The following MMADHC variants were observed in gnomAD, a reference collection of about 807,000 sequenced individuals.
MMADHC encodes the protein cobalamin trafficking protein CblD.
Under a neutral mutation model 36.3 loss-of-function variants are expected in MMADHC, and 23 were observed. The ratio of observed to expected loss-of-function variants is 0.63; its 90% CI spans 0.46 to 0.90. The LOEUF (loss-of-function observed/expected upper bound fraction) is 0.90. MMADHC is among the 40% of genes least tolerant of loss of function. MMADHC has a pLI of 0.00. For missense variants in MMADHC, 330 were observed against 348.0 expected (o/e 0.95, Z 0.41); for synonymous variants, 97 against 116.1 (o/e 0.84, Z 1.06).
At chr2:149,575,621 T>C in intron 6 of MMADHC, 90 bp downstream of exon 6, 1 of 1,100,788 alleles carries the variant, frequency 9.1e-7, no homozygotes, top group East Asian at 2.4e-5. Context: ...GAATAAAGGG[T>C]GGAAATGACA....
rs1445668348 is a variant in MMADHC, at chr2:149,569,939, A to G, written c.*35T>C. The G allele has an allele frequency of 1.3e-6, 2 of 1,586,078 alleles. No homozygotes were observed. Among genetic ancestry groups the G allele is most frequent in the East Asian group, 2.2e-5 (1 of 44,598 alleles). ...GTTTATAGATCAACCCAAATATTACATACAAATAGTACAGCAAATGAATGG... is the reference window on the plus strand; with the variant it reads ...GTTTATAGATCAACCCAAATATTACGTACAAATAGTACAGCAAATGAATGG... On this transcript the variant is annotated 3_prime_UTR_variant, in exon 8 of 8. Transcript: ENST00000303319.
At position 149,570,188 on chromosome 2, in the gene MMADHC, A is replaced by G; in HGVS notation, c.697-20T>C. The G allele has an allele frequency of 6.3e-7, 1 of 1,584,028 alleles. No homozygotes were observed. The highest frequency in any genetic ancestry group is 1.1e-5 in the South Asian group (1 of 89,996). ...AAAAAACTGAGGAAATAAAAACGAAATATTCTCATTAGTAAGAAAGACATT... is the reference window on the plus strand; with the variant it reads ...AAAAAACTGAGGAAATAAAAACGAAGTATTCTCATTAGTAAGAAAGACATT... On this transcript the variant is annotated intron_variant, in intron 7 of 7. Transcript: ENST00000303319.
In MMADHC at chr2:149,569,725, T is replaced by C. The variant is rs1682610156; in HGVS notation, c.*249A>G. The C allele has an allele frequency of 2.7e-6, 1 of 365,482 alleles. No individual in the cohort carries two copies. The highest frequency in any genetic ancestry group is 5.0e-6 in the Non-Finnish European group (1 of 199,396). 22.6% of individuals were successfully genotyped at this position (365,482 alleles called of 1,614,324 possible). A position where few individuals can be genotyped will look rare whatever the true frequency, so the allele number is the denominator to read the frequency against. ...AAAGAGGAGAAATAACAATAGCAGA[T>C]CATACCCTGGTTACAAGCTAATTAC... On this transcript the variant is annotated 3_prime_UTR_variant, in exon 8 of 8. Transcript: ENST00000303319.
chr2:149,571,763 G>A (rs921874238), intron 6 of MMADHC, among the ~76,000 whole-genome samples: 1 of 144,972 alleles, frequency 6.9e-6, no homozygotes, highest in African/African-American at 2.5e-5. Flanking sequence ...CTGGGCGACA[G>A]AGCGAGACTC....
chr2:149,586,579 T>C (rs368838839), intron 2 of MMADHC, among the ~76,000 whole-genome samples: 1 of 152,220 alleles, frequency 6.6e-6, no homozygotes, highest in African/African-American at 2.4e-5. Flanking sequence ...TGTTTTTATA[T>C]ATGTCTTATG....
At chr2:149,585,042 CAAA>C (rs537964049) in intron 2 of MMADHC, among the ~76,000 whole-genome samples, 3 of 66,318 alleles carry the variant, frequency 4.5e-5, no homozygotes, top group African/African-American at 1.2e-4. Flanking sequence ...AACTCCGTCT[CAAA>C]AAAAAAAAAA....
At chr2:149,580,316 G>A (rs1682776837) in intron 3 of MMADHC, among the ~76,000 whole-genome samples, 1 of 152,154 alleles carries the variant, frequency 6.6e-6, no homozygotes, top group South Asian at 2.1e-4. Context: ...GGTCGTCTGG[G>A]GAGGGGCATT....
In MMADHC at chr2:149,576,420, T is replaced by C. The variant is rs763533116; in HGVS notation, c.478+17A>G. 1 of 1,530,802 alleles carries C rather than the reference T, an allele frequency of 6.5e-7. No homozygotes were observed. Among genetic ancestry groups the C allele is most frequent in the South Asian group, 1.1e-5 (1 of 89,382 alleles). 94.8% of individuals were successfully genotyped at this position (1,530,802 alleles called of 1,614,324 possible). On this transcript the variant is annotated intron_variant, in intron 5 of 7. Transcript: ENST00000303319. ...AAAAATTAGTAACAGTGTTTCAAAGTATAAAGCATGACATACCTTTTCGCA... is the reference window on the plus strand; with the variant it reads ...AAAAATTAGTAACAGTGTTTCAAAGCATAAAGCATGACATACCTTTTCGCA...
intron 4 of MMADHC, among the ~76,000 whole-genome samples, chr2:149,578,762 T>G (rs1339719693): frequency 1.3e-5 from 2 of 152,056 alleles, no homozygotes; most frequent in African/African-American, 4.8e-5. Flanking sequence ...GAATTGGTGC[T>G]GCTTATAATA....
At chr2:149,573,424 G>A (rs998289942) in intron 6 of MMADHC, among the ~76,000 whole-genome samples, 2 of 152,110 alleles carry the variant, frequency 1.3e-5, no homozygotes, top group African/African-American at 4.8e-5. Context: ...CCAGCCCTTT[G>A]CCGCCTATAA....
In MMADHC at chr2:149,582,173, T is replaced by C. The variant is rs1163630821; in HGVS notation, c.108A>G (p.Ser36=). 1.2e-6 allele frequency: 2 copies of C among 1,614,026 alleles called. No individual in the cohort carries two copies. Among genetic ancestry groups the C allele is most frequent in the Admixed American group, 1.7e-5 (1 of 60,008 alleles). The change falls in exon 3 of 8, where the codon TCA becomes TCG. Residue 36 remains serine (S), a synonymous_variant. Coordinates refer to ENST00000303319, the MANE Select transcript of MMADHC (RefSeq NM_015702.3). ...VNPKAFSTAG[S]SGSDESHVAA... ...CCACATGAGACTCATCCGAACCTGA[T>C]GATCCTGCAGTCGAAAAGGCTTTGG...
In MMADHC at chr2:149,575,740, C is replaced by T; in HGVS notation, c.580G>A (p.Glu194Lys). 2 of 1,603,556 alleles carry T rather than the reference C, an allele frequency of 1.2e-6. No individual in the cohort carries two copies. Residue 194 changes from glutamate (E) to lysine (K), a missense_variant, in exon 6 of 8, where the codon GAA (glutamate) becomes AAA (lysine). Physicochemically the swap from Glu to Lys is moderately conservative, Grantham distance 56 (BLOSUM62 1). Coordinates refer to ENST00000303319, the MANE Select transcript of MMADHC (RefSeq NM_015702.3). ...NDMTVWSEEV[E>K]IEREVLLEKF... Reference sequence around the variant, plus strand: ...TCTAAGAGCACTTCTCTTTCAATTTCTACTTCTTCACTCCAAACAGTCATA... The same window carrying T: ...TCTAAGAGCACTTCTCTTTCAATTTTTACTTCTTCACTCCAAACAGTCATA...
At chr2:149,575,256 T>A (rs1682696475) in intron 6 of MMADHC, among the ~76,000 whole-genome samples, 1 of 152,158 alleles carries the variant, frequency 6.6e-6, no homozygotes, top group East Asian at 1.9e-4. Flanking sequence ...TATACATTAT[T>A]ACACTATTAT....
At chr2:149,573,660 G>A (rs930698625) in intron 6 of MMADHC, among the ~76,000 whole-genome samples, 3 of 151,804 alleles carry the variant, frequency 2.0e-5, no homozygotes, top group African/African-American at 4.8e-5. Flanking sequence ...GTATTCTTTA[G>A]ATTATCTTCC....
chr2:149,575,605 G>A, intron 6 of MMADHC, 106 bp downstream of exon 6: 1 of 986,344 alleles, frequency 1.0e-6, no homozygotes, highest in Admixed American at 2.7e-5. Context: ...TACTTTGGCA[G>A]AAAATGAATA....
At chr2:149,582,936 A>G (rs1342591132) in intron 2 of MMADHC, among the ~76,000 whole-genome samples, 2 of 152,212 alleles carry the variant, frequency 1.3e-5, no homozygotes, top group East Asian at 3.8e-4. Flanking sequence ...AATTTAATGC[A>G]GGGATTGGCG....
intron 3 of MMADHC, among the ~76,000 whole-genome samples, chr2:149,581,470 T>C (rs1187973813): frequency 6.6e-6 from 1 of 152,150 alleles, no homozygotes; most frequent in Non-Finnish European, 1.5e-5. Flanking sequence ...CACATTAGGT[T>C]AAGTTTCTAA....
At position 149,569,844 on chromosome 2, in the gene MMADHC, G is replaced by T; in HGVS notation, c.*130C>A. ...TTAAAATCCCAAATCACTTGCCAAT[G>T]TTGTAAATTCATAAATGCTGAAATA... On this transcript the variant is annotated 3_prime_UTR_variant, in exon 8 of 8. Coordinates refer to ENST00000303319, the MANE Select transcript of MMADHC (RefSeq NM_015702.3). The T allele has an allele frequency of 1.2e-6, 1 of 857,010 alleles. No homozygotes were observed. Among genetic ancestry groups the T allele is most frequent in the Non-Finnish European group, 1.8e-6 (1 of 554,642 alleles). 53.1% of individuals were successfully genotyped at this position (857,010 alleles called of 1,614,324 possible).
At chr2:149,573,103 C>T (rs1274830789) in intron 6 of MMADHC, among the ~76,000 whole-genome samples, 7 of 152,048 alleles carry the variant, frequency 4.6e-5, no homozygotes, top group Non-Finnish European at 2.9e-5. Context: ...ACTATTTGGC[C>T]CTTGTTAAAC....
Sources: gnomAD v4.1 joint callset for allele counts (sites outside exome capture counted in the v4.1 genomes callset) on GRCh38, gnomAD v4.1.1 for gene constraint, MANE v1.5 for transcripts, NCBI Gene and HGNC (gene_info 2026-07-23, HGNC 2026-07-21) for gene names.